NCAM1: variants seen among roughly 807,000 people sequenced by gnomAD.
The protein encoded by NCAM1 is neural cell adhesion molecule 1.
NCAM1 carries 14 observed loss-of-function variants against 109.8 expected under a neutral mutation model. That is an observed-to-expected ratio of 0.13 (90% CI 0.08 to 0.20). The LOEUF is 0.20. NCAM1 is among the 10% of genes least tolerant of loss of function. The pLI is 1.00. For missense variants in NCAM1, 774 were observed against 1,109.9 expected (o/e 0.70, Z 4.30); for synonymous variants, 418 against 442.9 (o/e 0.94, Z 0.70).
At chr11:113,159,291 A>G (rs782602985) in intron 1 of NCAM1, among the ~76,000 whole-genome samples, 5 of 152,190 alleles carry the variant, frequency 3.3e-5, no homozygotes, top group African/African-American at 4.8e-5. Context: ...TGTTTCATAT[A>G]TTTAAATTGT....
intron 1 of NCAM1, among the ~76,000 whole-genome samples, chr11:113,156,094 G>A (rs1762403691): frequency 6.6e-6 from 1 of 152,230 alleles, no homozygotes; most frequent in Admixed American, 6.5e-5. Context: ...AGATGGATGT[G>A]GAACATATTT....
chr11:113,212,045 T>C (rs1555113718), intron 7 of NCAM1, among the ~76,000 whole-genome samples: 1 of 152,208 alleles, frequency 6.6e-6, no homozygotes, highest in Non-Finnish European at 1.5e-5. Flanking sequence ...CTCTAGATGC[T>C]GGAAGGCAGA....
intron 9 of NCAM1, among the ~76,000 whole-genome samples, chr11:113,227,632 AAG>A (rs1412391444): frequency 2.0e-5 from 3 of 152,244 alleles, no homozygotes; most frequent in Non-Finnish European, 4.4e-5. Flanking sequence ...ACAACAGAAA[AAG>A]AGAATTTTAG....
At chr11:113,126,569 A>G (rs1336237327) in intron 1 of NCAM1, among the ~76,000 whole-genome samples, 2 of 152,204 alleles carry the variant, frequency 1.3e-5, no homozygotes, top group African/African-American at 2.4e-5. Flanking sequence ...AAAAAGATCT[A>G]TTATATCATT....
chr11:113,180,881 A>G (rs1555107844), intron 1 of NCAM1, among the ~76,000 whole-genome samples: 1 of 152,196 alleles, frequency 6.6e-6, no homozygotes, highest in African/African-American at 2.4e-5. Context: ...CACTCAGTCA[A>G]TGAGTATGCA....
rs540518331 is a variant in NCAM1, at chr11:113,186,191, C to T, written c.53-16188C>T. 2.0e-4 allele frequency among the ~76,000 whole-genome samples: 30 copies of T among 152,308 alleles called. No individual in the cohort carries two copies. The South Asian group carries it at 4.4e-3, about 22-fold the overall frequency. On this transcript the variant is annotated intron_variant, in intron 1 of 19. Coordinates refer to ENST00000316851, the MANE Select transcript of NCAM1 (RefSeq NM_181351.5). ...TACCAGGCCATGGCCTGTTAGAAAC[C>T]GGGCTGCACGGCAGGAGGTGAGCAG...
intron 17 of NCAM1, chr11:113,263,821 T>C: frequency 1.0e-6 from 1 of 985,520 alleles, no homozygotes; most frequent in Non-Finnish European, 1.2e-6. Flanking sequence ...GTCCCCTACC[T>C]GGCCTGTGTG....
intron 7 of NCAM1, among the ~76,000 whole-genome samples, chr11:113,212,572 C>T (rs1944417541): frequency 6.6e-6 from 1 of 152,212 alleles, no homozygotes; most frequent in Admixed American, 6.5e-5. Context: ...GCCCCAAATT[C>T]AGCCTTCCTG....
intron 9 of NCAM1, among the ~76,000 whole-genome samples, chr11:113,227,217 C>A (rs1555116397): frequency 1.3e-5 from 2 of 151,836 alleles, no homozygotes; most frequent in Admixed American, 1.3e-4. Flanking sequence ...AGAGAAGAAT[C>A]AAATAGATGC....
At position 113,019,462 on chromosome 11, in the gene NCAM1, A is replaced by G. The variant is rs74317318; in HGVS notation, c.52+57798A>G. 8.5e-4 allele frequency among the ~76,000 whole-genome samples: 129 copies of G among 152,252 alleles called. 2 individuals carry two copies. The East Asian group carries it at 0.023, about 27-fold the overall frequency. On this transcript the variant is annotated intron_variant, in intron 1 of 19. Coordinates refer to ENST00000316851, the MANE Select transcript of NCAM1 (RefSeq NM_181351.5). Reference sequence around the variant, plus strand: ...TTTTTGAAGACCTGCCGATTTCCACATTTATCTTTGTTTCCTACAGATACT... The same window carrying G: ...TTTTTGAAGACCTGCCGATTTCCACGTTTATCTTTGTTTCCTACAGATACT...
intron 17 of NCAM1, 117 bp from the exon 18 acceptor site, chr11:113,270,071 A>T (rs1946231917): frequency 3.2e-6 from 3 of 951,762 alleles, no homozygotes; most frequent in Non-Finnish European, 5.0e-6. Context: ...CACTCTGGGC[A>T]TGAATGCCAT....
At chr11:113,018,467 G>A (rs540116938) in intron 1 of NCAM1, among the ~76,000 whole-genome samples, 4 of 152,188 alleles carry the variant, frequency 2.6e-5, no homozygotes, top group Admixed American at 2.6e-4. Flanking sequence ...AGATAATATT[G>A]TTCATGTGTG....
chr11:113,195,839 A>G (rs907319555), intron 1 of NCAM1, among the ~76,000 whole-genome samples: 70 of 151,848 alleles, frequency 4.6e-4, no homozygotes, highest in Admixed American at 2.0e-3. Flanking sequence ...GGCTGAATTC[A>G]ATAGTATATA....
intron 1 of NCAM1, among the ~76,000 whole-genome samples, chr11:113,162,121 T>G (rs1022992749): frequency 6.6e-6 from 1 of 152,218 alleles, no homozygotes; most frequent in Non-Finnish European, 1.5e-5. Flanking sequence ...TGAGTTGTAG[T>G]TCCTTGGGGG....
intron 1 of NCAM1, among the ~76,000 whole-genome samples, chr11:113,190,466 C>T (rs1439360915): frequency 2.0e-5 from 3 of 152,202 alleles, no homozygotes; most frequent in African/African-American, 4.8e-5. Context: ...CACCGCCCCA[C>T]GGCCACCATC....
chr11:113,263,479 A>G, intron 17 of NCAM1: 1 of 985,928 alleles, frequency 1.0e-6, no homozygotes, highest in Non-Finnish European at 1.2e-6. Context: ...ATGATGGGCA[A>G]CTGAAGTCAC....
rs111261938 is a variant in NCAM1, at chr11:113,145,635, G to A, written c.53-56744G>A. ...CTTCATTGCTATACAATTAGAAAAA[G>A]GTTAGCTTTTAATATTTTCCAAGTC... On this transcript the variant is annotated intron_variant, in intron 1 of 19. Transcript: ENST00000316851. Among the ~76,000 whole-genome samples the A allele has an allele frequency of 3.5e-3, 529 of 152,134 alleles. 2 individuals carry two copies. Among genetic ancestry groups the A allele is most frequent in the African/African-American group, 0.012 (498 of 41,508 alleles).
chr11:113,215,556 A>C (rs1944501924), intron 8 of NCAM1, among the ~76,000 whole-genome samples: 1 of 152,242 alleles, frequency 6.6e-6, no homozygotes, highest in South Asian at 2.1e-4. Flanking sequence ...TTCCAGAGTT[A>C]AATTTGGGAT....
At chr11:113,139,205 G>A (rs948245052) in intron 1 of NCAM1, among the ~76,000 whole-genome samples, 6 of 152,284 alleles carry the variant, frequency 3.9e-5, no homozygotes, top group Middle Eastern at 3.4e-3. Flanking sequence ...TCTACAGAAA[G>A]TATTGACTGA....
Sources: gnomAD v4.1 joint callset for allele counts (sites outside exome capture counted in the v4.1 genomes callset) on GRCh38, gnomAD v4.1.1 for gene constraint, MANE v1.5 for transcripts, NCBI Gene and HGNC (gene_info 2026-07-23, HGNC 2026-07-21) for gene names.